The following ITSN2 variants were observed in gnomAD, a reference collection of about 807,000 sequenced individuals.
ITSN2 encodes intersectin 2.
In ITSN2, 156 loss-of-function variants were observed where a neutral mutation model predicts 243.7. The ratio of observed to expected loss-of-function variants is 0.64; its 90% CI spans 0.56 to 0.73. The LOEUF is 0.73. Among genes scored for constraint, ITSN2 ranks in the 30% least tolerant of loss-of-function variants. ITSN2 has a pLI of 0.00. For synonymous variants in ITSN2, 703 were observed against 699.9 expected, an observed-to-expected ratio of 1.00 and a Z score of -0.07; for missense variants, 1,801 against 1,996.1, an observed-to-expected ratio of 0.90 and a Z score of 1.86.
intron 37 of ITSN2, chr2:24,206,366 CCGGCGGGAAGGAAGG>C: frequency 3.9e-6 from 1 of 258,330 alleles, no homozygotes. Flanking sequence ...ATGGGGGGGC[CCGGCGGGAAGGAAGG>C]TGGAGATGCA....
chr2:24,221,284 C>A (rs576666251), intron 29 of ITSN2: 1 of 512,000 alleles, frequency 2.0e-6, no homozygotes, highest in Non-Finnish European at 3.4e-6. Flanking sequence ...TCAGCAATGT[C>A]TGTAACATTT....
Position 24,252,533 on chromosome 2 carries a change from G to A in ITSN2, c.2954-22C>T, listed in dbSNP as rs1440143259. 2.6e-6 allele frequency: 4 copies of A among 1,558,022 alleles called. No homozygotes were observed. The South Asian group carries it at 3.5e-5, about 14-fold the overall frequency. ...TATTCTGTAGGGAACAAAGCAAAAA[G>A]AAGTAGATTCTGGTTTTAAGATTAC... On this transcript the variant is annotated intron_variant, in intron 24 of 39. Transcript: ENST00000355123.
intron 1 of ITSN2, among the ~76,000 whole-genome samples, chr2:24,343,808 C>T (rs973280550): frequency 2.6e-5 from 4 of 152,136 alleles, no homozygotes; most frequent in African/African-American, 9.7e-5. Flanking sequence ...TACTCCATTT[C>T]CTCTAAGCAA....
chr2:24,347,177 G>GA (rs1279916420), intron 1 of ITSN2, among the ~76,000 whole-genome samples: 22 of 151,734 alleles, frequency 1.4e-4, no homozygotes, highest in Admixed American at 7.9e-4. Context: ...TTTATCTTAA[G>GA]AAAATATCTA....
intron 17 of ITSN2, among the ~76,000 whole-genome samples, chr2:24,283,412 G>C (rs1330586482): frequency 1.3e-5 from 2 of 152,118 alleles, no homozygotes; most frequent in Non-Finnish European, 1.5e-5. Context: ...TTTTAGTAGA[G>C]ACGGGGTTTC....
chr2:24,359,186 G>C (rs1008506961), intron 1 of ITSN2, among the ~76,000 whole-genome samples: 3 of 152,158 alleles, frequency 2.0e-5, no homozygotes, highest in Admixed American at 2.0e-4. Context: ...GATGTTTCTA[G>C]GTAGCTTTTA....
At chr2:24,359,961 G>A (rs1688800124) in intron 1 of ITSN2, among the ~76,000 whole-genome samples, 1 of 152,146 alleles carries the variant, frequency 6.6e-6, no homozygotes, top group African/African-American at 2.4e-5. Flanking sequence ...AAAGCGAGGG[G>A]GCCACGCCAC....
At chr2:24,208,354 C>T in intron 36 of ITSN2, 35 bp from the exon 37 acceptor site, 1 of 1,530,230 alleles carries the variant, frequency 6.5e-7, no homozygotes, top group East Asian at 2.2e-5. Flanking sequence ...TTGGCCGCAT[C>T]CCACCCTCAC....
intron 1 of ITSN2, among the ~76,000 whole-genome samples, chr2:24,331,685 G>A (rs1685801091): frequency 6.6e-6 from 1 of 152,034 alleles, no homozygotes; most frequent in Non-Finnish European, 1.5e-5. Context: ...GTTGAGACCT[G>A]ACCCCCCAAT....
rs1430681583 is a variant in ITSN2 at position 24,225,887 on chromosome 2, G to A, written c.3578-4821C>T. On this transcript the variant is annotated intron_variant, in intron 29 of 39. Transcript: ENST00000355123. This position sits in a 1 kb window ranked among gnomAD's most constrained non-coding sequence, Gnocchi z 4.2. ...CCTGAGAAAAGTCCTGATGAACTGA[G>A]GAATTCGGGTTTTATGGATAGGATA... Among the ~76,000 whole-genome samples the A allele has an allele frequency of 1.3e-5, 2 of 152,160 alleles. No individual in the cohort carries two copies. The highest frequency in any genetic ancestry group is 3.8e-4 in the East Asian group (2 of 5,196).
chr2:24,341,455 A>G lies in ITSN2; in HGVS notation c.-33-13340T>C, dbSNP rs114791270. 6.0e-3 allele frequency among the ~76,000 whole-genome samples: 918 copies of G among 152,342 alleles called. 4 individuals carry two copies. Among genetic ancestry groups the G allele is most frequent in the Non-Finnish European group, 9.2e-3 (627 of 68,026 alleles). On this transcript the variant is annotated intron_variant, in intron 1 of 39. Transcript: ENST00000355123. ...TCGGGATACAGAGTTAAGAGTTTCA[A>G]GGAGAAAATGGTATTGTCACAGAAG...
chr2:24,240,498 T>C (rs1376000625), intron 29 of ITSN2: 1 of 152,202 alleles, frequency 6.6e-6, no homozygotes. Flanking sequence ...TACATCCTAA[T>C]AATGTGATGT....
At chr2:24,269,731 ATT>A (rs142867318) in intron 20 of ITSN2, among the ~76,000 whole-genome samples, 189 of 152,346 alleles carry the variant, frequency 1.2e-3, no homozygotes, top group African/African-American at 4.4e-3. Context: ...CTCAAAAAAT[ATT>A]TGTTGAAATA....
Position 24,203,720 on chromosome 2 carries a change from G to C in ITSN2, c.5000C>G (p.Pro1667Arg). The C allele has an allele frequency of 6.2e-7, 1 of 1,614,198 alleles. No homozygotes were observed. The highest frequency in any genetic ancestry group is 8.5e-7 in the Non-Finnish European group (1 of 1,180,042). ...ATGCAGCAGCAGTCGGCGGGTCATAGGGCCTTTGCTTTCCTGTTCTGTTCG... is the reference window on the plus strand; with the variant it reads ...ATGCAGCAGCAGTCGGCGGGTCATACGGCCTTTGCTTTCCTGTTCTGTTCG... Reference protein sequence around the residue: ...KIRTEQESKGPMTRRLLLHEV... With the variant: ...KIRTEQESKGRMTRRLLLHEV... Residue 1667 changes from proline to arginine, a missense_variant, in exon 40 of 40, where the codon CCT becomes CGT. Physicochemically the swap from Pro to Arg is moderately radical, Grantham distance 103. Transcript: ENST00000355123.
chr2:24,237,481 C>T (rs1672293510), intron 29 of ITSN2, among the ~76,000 whole-genome samples: 1 of 152,158 alleles, frequency 6.6e-6, no homozygotes, highest in South Asian at 2.1e-4. Context: ...TCAACAACTA[C>T]CAATATGTAT....
rs557147287 is a variant in ITSN2 at position 24,260,601 on chromosome 2, T to C, written c.2682+505A>G. Among the ~76,000 whole-genome samples, 6 of 152,212 alleles carry C rather than the reference T, an allele frequency of 3.9e-5. No homozygotes were observed. In the South Asian group the frequency reaches 8.3e-4, roughly 21 times the overall value. On this transcript the variant is annotated intron_variant, in intron 22 of 39. Coordinates refer to ENST00000355123, the MANE Select transcript of ITSN2 (RefSeq NM_006277.3). ...CTTAGCTGCTAGCAACTTGGTATTA[T>C]GGAAAAGAATTGTTGAGAAACCTAG...
At chr2:24,257,827 G>A in intron 23 of ITSN2, 61 bp downstream of exon 23, 4 of 1,227,992 alleles carry the variant, frequency 3.3e-6, no homozygotes, top group Non-Finnish European at 4.8e-6. Flanking sequence ...TCAGACCATG[G>A]CTGACTCATT....
At position 24,209,893 on chromosome 2, in the gene ITSN2, C is replaced by G. The variant is rs374440871; in HGVS notation, c.4398G>C (p.Lys1466Asn). 1 of 1,614,218 alleles carries G rather than the reference C, an allele frequency of 6.2e-7. No homozygotes were observed. The highest frequency in any genetic ancestry group is 8.5e-7 in the Non-Finnish European group (1 of 1,180,026). The change falls in exon 35 of 40, where the codon AAG becomes AAC. Residue 1466 changes from lysine to asparagine, a missense_variant. Lys to Asn is a moderately conservative substitution (Grantham distance 94, BLOSUM62 0). Coordinates refer to ENST00000355123, the MANE Select transcript of ITSN2 (RefSeq NM_006277.3). ...NDFLLLTYMV[K>N]QFAVSSGSEK... Reference sequence around the variant, plus strand: ...CAGAGCCAGAGGAAACAGCAAACTGCTTGACCATGTAGGTAAGAAGCAGGA... The same window carrying G: ...CAGAGCCAGAGGAAACAGCAAACTGGTTGACCATGTAGGTAAGAAGCAGGA...
At chr2:24,316,276 ATTAT>A (rs544014528) in intron 2 of ITSN2, among the ~76,000 whole-genome samples, 170 of 152,000 alleles carry the variant, frequency 1.1e-3, no homozygotes, top group Non-Finnish European at 2.0e-3. Context: ...TTATTATTTT[ATTAT>A]TTATTTATTT....
Sources: gnomAD v4.1 joint callset for allele counts (sites outside exome capture counted in the v4.1 genomes callset) on GRCh38, gnomAD v4.1.1 for gene constraint, Gnocchi (gnomAD v3.1) non-coding constraint, MANE v1.5 for transcripts, NCBI Gene and HGNC (gene_info 2026-07-23, HGNC 2026-07-21) for gene names.